Variants in HOTAIR observed in about 807,000 individuals in gnomAD.
HOTAIR encodes HOX transcript antisense RNA (non-protein coding).
chr12:53,970,596 G>A (rs1592194748), intron 1 of HOTAIR, among the ~76,000 whole-genome samples: 1 of 152,192 alleles, frequency 6.6e-6, no homozygotes, highest in Non-Finnish European at 1.5e-5. Context: ...CTTTTAAGGG[G>A]AGGAATATTA....
intron 1 of HOTAIR, among the ~76,000 whole-genome samples, chr12:53,970,680 C>A (rs1319200197): frequency 1.3e-5 from 2 of 152,314 alleles, no homozygotes; most frequent in African/African-American, 2.4e-5. Context: ...TCTTGCATTT[C>A]TTTTTTGTTT....
At position 53,973,202 on chromosome 12, in the gene HOTAIR, G is replaced by A. The variant is rs372792014; in HGVS notation, n.59+1696C>T. On this transcript the variant is annotated intron_variant and non_coding_transcript_variant, in intron 1 of 6. Coordinates refer to ENST00000424518, the Ensembl canonical transcript of HOTAIR. The surrounding 1 kb of genome is among the most constrained non-coding windows in gnomAD (Gnocchi z 4.3). ...AAATTTTCCCCCCTCGCTAGACCGG[G>A]TCCAAAACCTCCATCCGGAGCCGGC... The A allele has an allele frequency of 5.3e-6, 8 of 1,507,044 alleles. No individual in the cohort carries two copies. In the African/African-American group the frequency reaches 9.7e-5, roughly 18 times the overall value. The allele number at this position is 1,507,044 out of a possible 1,614,324, so 93.4% of individuals were successfully genotyped here.
exon 7 of HOTAIR, chr12:53,962,771 A>T (rs1468645201): frequency 6.6e-6 from 1 of 152,060 alleles, no homozygotes; most frequent in African/African-American, 2.4e-5. Flanking sequence ...GTCTACATGC[A>T]TCACTTATTT....
chr12:53,962,497 A>G (rs745409441), exon 7 of HOTAIR: 2 of 152,266 alleles, frequency 1.3e-5, no homozygotes, highest in Non-Finnish European at 2.9e-5. Flanking sequence ...CATGGAAAAT[A>G]CATTATTATA....
chr12:53,967,707 G>A (rs61921773), intron 2 of HOTAIR, among the ~76,000 whole-genome samples: 3 of 152,298 alleles, frequency 2.0e-5, no homozygotes, highest in South Asian at 2.1e-4. Flanking sequence ...AGTCTGGGAA[G>A]GGGAGCTCCA....
In HOTAIR at chr12:53,973,953, G is replaced by C; in HGVS notation, n.59+945C>G. The C allele has an allele frequency of 7.0e-7, 1 of 1,432,414 alleles. No individual in the cohort carries two copies. The allele number at this position is 1,432,414 out of a possible 1,614,324, so 88.7% of individuals were successfully genotyped here. A position where few individuals can be genotyped will look rare whatever the true frequency, so the allele number is the denominator to read the frequency against. On this transcript the variant is annotated intron_variant and non_coding_transcript_variant, in intron 1 of 6. Coordinates refer to ENST00000424518, the Ensembl canonical transcript of HOTAIR. This position sits in a 1 kb window ranked among gnomAD's most constrained non-coding sequence, Gnocchi z 4.3. ...GTAGCAGCGGCCGGGGAACGGGCGG[G>C]CAGCGAGGGAGGGAGCGAGAGAGGG...
Position 53,973,808 on chromosome 12 carries a change from G to A in HOTAIR, n.59+1090C>T. On this transcript the variant is annotated intron_variant and non_coding_transcript_variant, in intron 1 of 6. Transcript: ENST00000424518. This position sits in a 1 kb window ranked among gnomAD's most constrained non-coding sequence, Gnocchi z 4.3. The stretch of plus-strand genomic sequence containing the variant: ...CCGAGGCACCCCCGGCCTCGGGACT[G>A]GCGTCCCGGGCTGAGGCGGGTGCCG... 6.4e-7 allele frequency: 1 copy of A among 1,559,666 alleles called. No individual in the cohort carries two copies. The highest frequency in any genetic ancestry group is 8.6e-7 in the Non-Finnish European group (1 of 1,156,934).
Position 53,973,367 on chromosome 12 carries a change from C to CGAG in HOTAIR, n.59+1528_59+1530dup. The CGAG allele has an allele frequency of 1.9e-6, 3 of 1,614,174 alleles. No homozygotes were observed. Among genetic ancestry groups the CGAG allele is most frequent in the Non-Finnish European group, 2.5e-6 (3 of 1,180,024 alleles). On this transcript the variant is annotated intron_variant and non_coding_transcript_variant, in intron 1 of 6. Transcript: ENST00000424518. The surrounding 1 kb of genome is among the most constrained non-coding windows in gnomAD (Gnocchi z 4.3). ...TGCCCAGTTGCACTTACTACATGCC[C>CGAG]GAGTTCTCCACGGTCTCCTCCTTCC...
At chr12:53,964,969 A>T (rs1033876024) in intron 5 of HOTAIR, among the ~76,000 whole-genome samples, 5 of 152,228 alleles carry the variant, frequency 3.3e-5, no homozygotes, top group Non-Finnish European at 7.3e-5. Flanking sequence ...GTAAGGGGAT[A>T]ATAGATAATT....
In HOTAIR at chr12:53,973,496, T is replaced by G. The variant is rs1240102434; in HGVS notation, n.59+1402A>C. ...TGGAGCCATCCGGCAAGTGGCACCA[T>G]CGGAACAGCTACTCCTCCTGCTATG... On this transcript the variant is annotated intron_variant and non_coding_transcript_variant, in intron 1 of 6. Coordinates refer to ENST00000424518, the Ensembl canonical transcript of HOTAIR. This position sits in a 1 kb window ranked among gnomAD's most constrained non-coding sequence, Gnocchi z 4.3. The G allele has an allele frequency of 1.9e-6, 3 of 1,613,958 alleles. No homozygotes were observed. The highest frequency in any genetic ancestry group is 2.5e-6 in the Non-Finnish European group (3 of 1,179,996).
Position 53,973,361 on chromosome 12 carries a change from C to T in HOTAIR, n.59+1537G>A, listed in dbSNP as rs1302905374. The T allele has an allele frequency of 2.5e-6, 4 of 1,613,090 alleles. No individual in the cohort carries two copies. Among genetic ancestry groups the T allele is most frequent in the Non-Finnish European group, 3.4e-6 (4 of 1,179,760 alleles). On this transcript the variant is annotated intron_variant and non_coding_transcript_variant, in intron 1 of 6. Transcript: ENST00000424518. The surrounding 1 kb of genome is among the most constrained non-coding windows in gnomAD (Gnocchi z 4.3). ...TCTATCTGCCCAGTTGCACTTACTA[C>T]ATGCCCGAGTTCTCCACGGTCTCCT... is the stretch of plus-strand genomic sequence containing the variant.
chr12:53,962,521 C>A (rs1938969549), exon 7 of HOTAIR: 1 of 152,186 alleles, frequency 6.6e-6, no homozygotes, highest in South Asian at 2.1e-4. Flanking sequence ...ACACAAAGTG[C>A]ATACCTACCC....
Position 53,973,617 on chromosome 12 carries a change from C to A in HOTAIR, n.59+1281G>T, listed in dbSNP as rs767665670. Reference sequence around the variant, plus strand: ...CGAAGGCTCCTACGGCGGCCACCACCACCCCAGCGCCCCGCACGCAACCCC... The same window carrying A: ...CGAAGGCTCCTACGGCGGCCACCACAACCCCAGCGCCCCGCACGCAACCCC... On this transcript the variant is annotated intron_variant and non_coding_transcript_variant, in intron 1 of 6. Transcript: ENST00000424518. This position sits in a 1 kb window ranked among gnomAD's most constrained non-coding sequence, Gnocchi z 4.3. 6.2e-7 allele frequency: 1 copy of A among 1,613,788 alleles called. No individual in the cohort carries two copies. Among genetic ancestry groups the A allele is most frequent in the South Asian group, 1.1e-5 (1 of 91,072 alleles).
At chr12:53,967,914 T>G (rs1939084383) in intron 2 of HOTAIR, 1 of 151,832 alleles carries the variant, frequency 6.6e-6, no homozygotes, top group African/African-American at 2.4e-5. Context: ...TGATTCAGGG[T>G]GGGTGGGGGT....
rs568955405 is a variant in HOTAIR at position 53,973,558 on chromosome 12, C to G, written n.59+1340G>C. The stretch of plus-strand genomic sequence containing the variant: ...GAGCTTATGCACCGGGAGTGCCTGC[C>G]TCCTTCCACCGTCACCGAGATCCTC... On this transcript the variant is annotated intron_variant and non_coding_transcript_variant, in intron 1 of 6. Transcript: ENST00000424518. The surrounding 1 kb of genome is among the most constrained non-coding windows in gnomAD (Gnocchi z 4.3). The G allele has an allele frequency of 1.2e-6, 2 of 1,613,146 alleles. No individual in the cohort carries two copies. The highest frequency in any genetic ancestry group is 3.3e-5 in the Admixed American group (2 of 60,026).
chr12:53,966,734 A>G (rs1203089536), intron 3 of HOTAIR: 1 of 152,288 alleles, frequency 6.6e-6, no homozygotes, highest in Non-Finnish European at 1.5e-5. Flanking sequence ...GTGCGGAGAA[A>G]CAAATATATT....
chr12:53,971,083 C>T (rs1939139160), intron 1 of HOTAIR, among the ~76,000 whole-genome samples: 1 of 152,154 alleles, frequency 6.6e-6, no homozygotes, highest in Non-Finnish European at 1.5e-5. Context: ...CCATTAAAAG[C>T]CATAGTCCAT....
intron 1 of HOTAIR, among the ~76,000 whole-genome samples, chr12:53,971,087 A>T (rs1438616440): frequency 6.6e-6 from 1 of 152,184 alleles, no homozygotes; most frequent in Non-Finnish European, 1.5e-5. Flanking sequence ...TAAAAGCCAT[A>T]GTCCATAGTT....
At chr12:53,974,045 A>T (rs1681015244) in intron 1 of HOTAIR, 5 of 672,622 alleles carry the variant, frequency 7.4e-6, no homozygotes, top group Non-Finnish European at 1.1e-5. Context: ...GTCCGATTTT[A>T]TGTGGAGTTT....
Sources: allele counts gnomAD v4.1 joint callset (sites outside exome capture counted in the v4.1 genomes callset), GRCh38; gene constraint gnomAD v4.1.1; non-coding constraint Gnocchi (gnomAD v3.1); transcripts MANE v1.5; gene names NCBI Gene and HGNC (gene_info 2026-07-23, HGNC 2026-07-21).